CNTN3: variants seen among roughly 807,000 people sequenced by gnomAD.
CNTN3 encodes contactin-3.
Under a neutral mutation model 119.1 loss-of-function variants are expected in CNTN3, and 60 were observed. The observed-to-expected ratio is 0.50, with a 90% CI of 0.41 to 0.62. The LOEUF is 0.62. CNTN3 is among the 20% of genes least tolerant of loss of function. The pLI is 0.00. For synonymous variants in CNTN3, 450 were observed against 438.7 expected (o/e 1.03, Z -0.32); for missense variants, 1,101 against 1,242.4 (o/e 0.89, Z 1.71).
chr3:74,418,342 C>CTTTTTTTTTTTTTTTTT (rs56258495), intron 5 of CNTN3, among the ~76,000 whole-genome samples: 1 of 99,650 alleles, frequency 1.0e-5, no homozygotes, highest in Non-Finnish European at 1.9e-5. Context: ...AAACATATTC[C>CTTTTTTTTTTTTTTTTT]TTTTTTTTTT....
At chr3:74,468,566 C>T (rs1702505452) in intron 4 of CNTN3, among the ~76,000 whole-genome samples, 1 of 152,112 alleles carries the variant, frequency 6.6e-6, no homozygotes, top group South Asian at 2.1e-4. Flanking sequence ...GGGTAAATAT[C>T]TTAATTGAAT....
chr3:74,510,164 T>G (rs953003243), intron 2 of CNTN3, among the ~76,000 whole-genome samples: 1 of 152,046 alleles, frequency 6.6e-6, no homozygotes, highest in Non-Finnish European at 1.5e-5. Context: ...ATGTTACAGC[T>G]GATCACAGAA....
intron 4 of CNTN3, among the ~76,000 whole-genome samples, chr3:74,481,292 G>C (rs1435959015): frequency 1.3e-5 from 2 of 149,840 alleles, no homozygotes; most frequent in South Asian, 2.1e-4. Flanking sequence ...CCAGTATTTA[G>C]AGAATATCCA....
chr3:74,518,536 C>T (rs1703490088), intron 2 of CNTN3, among the ~76,000 whole-genome samples: 1 of 151,854 alleles, frequency 6.6e-6, no homozygotes, highest in Non-Finnish European at 1.5e-5. Context: ...AGTGCCACAT[C>T]CAACACCACA....
chr3:74,303,661 T>G (rs1238613945), intron 13 of CNTN3, among the ~76,000 whole-genome samples: 1 of 152,240 alleles, frequency 6.6e-6, no homozygotes, highest in Admixed American at 6.5e-5. Flanking sequence ...ATCACACCAC[T>G]GCACTCCAGC....
intron 5 of CNTN3, among the ~76,000 whole-genome samples, chr3:74,424,312 C>T (rs190867031): frequency 6.2e-4 from 94 of 151,670 alleles, no homozygotes; most frequent in African/African-American, 2.1e-3. Flanking sequence ...CAATTTATAC[C>T]AATATAGCAT....
intron 4 of CNTN3, among the ~76,000 whole-genome samples, chr3:74,478,415 G>A (rs1421467870): frequency 6.6e-6 from 1 of 152,124 alleles, no homozygotes; most frequent in African/African-American, 2.4e-5. Context: ...AGGAGAGGCT[G>A]TCTGAACTGC....
At chr3:74,301,340 G>A (rs1702448557) in intron 16 of CNTN3, 58 bp downstream of exon 16, 1 of 1,555,830 alleles carries the variant, frequency 6.4e-7, no homozygotes, top group Admixed American at 1.8e-5. Flanking sequence ...TCAGGGCCAA[G>A]GGAAATGGAA....
chr3:74,549,361 G>A (rs1703957660), intron 1 of CNTN3, among the ~76,000 whole-genome samples: 1 of 152,156 alleles, frequency 6.6e-6, no homozygotes, highest in Non-Finnish European at 1.5e-5. Flanking sequence ...ACAGAACTGT[G>A]AGCCTATTAA....
intron 5 of CNTN3, among the ~76,000 whole-genome samples, chr3:74,372,670 T>C (rs1183332668): frequency 6.6e-6 from 1 of 152,070 alleles, no homozygotes; most frequent in Non-Finnish European, 1.5e-5. Context: ...TAAGAGATAA[T>C]TCCTATGGTG....
intron 1 of CNTN3, among the ~76,000 whole-genome samples, chr3:74,544,084 AAG>A (rs1262298376): frequency 1.3e-5 from 2 of 152,230 alleles, no homozygotes; most frequent in Non-Finnish European, 2.9e-5. Flanking sequence ...CCAGGAATGC[AAG>A]AGTCAGAAAG....
intron 2 of CNTN3, among the ~76,000 whole-genome samples, chr3:74,504,924 C>CA (rs1703227327): frequency 1.3e-5 from 2 of 152,190 alleles, no homozygotes; most frequent in South Asian, 4.1e-4. Context: ...TTTTTTGTCT[C>CA]ACAGTTCAGG....
At position 74,450,802 on chromosome 3, in the gene CNTN3, G is replaced by A. The variant is rs1301548342; in HGVS notation, c.359-25862C>T. On this transcript the variant is annotated intron_variant, in intron 4 of 22. Transcript: ENST00000263665. ...CTTGTGATAGTTTACTGAGAATGAC[G>A]ATTCCCAATTTCATCCATGTCCCTA... 3.3e-5 allele frequency among the ~76,000 whole-genome samples: 5 copies of A among 151,518 alleles called. 1 individual carries two copies. Among genetic ancestry groups the A allele is most frequent in the South Asian group, 4.2e-4 (2 of 4,790 alleles).
At chr3:74,553,739 C>A (rs1704028454) in intron 1 of CNTN3, among the ~76,000 whole-genome samples, 1 of 152,126 alleles carries the variant, frequency 6.6e-6, no homozygotes, top group Non-Finnish European at 1.5e-5. Context: ...TGTTCATGTC[C>A]TTTGCCCATT....
chr3:74,314,622 C>T (rs762048780), intron 13 of CNTN3, among the ~76,000 whole-genome samples: 6 of 152,082 alleles, frequency 3.9e-5, no homozygotes, highest in Admixed American at 1.3e-4. Flanking sequence ...GTGTATTTAC[C>T]TAACAACAGA....
chr3:74,320,410 T>A (rs527405045), intron 13 of CNTN3, among the ~76,000 whole-genome samples: 18 of 151,934 alleles, frequency 1.2e-4, no homozygotes, highest in African/African-American at 3.6e-4. Flanking sequence ...CAGCAAACTA[T>A]CGCAAGGACA....
chr3:74,499,413 C>T lies in CNTN3; in HGVS notation c.182+246G>A, dbSNP rs541262596. Among the ~76,000 whole-genome samples the T allele has an allele frequency of 2.0e-5, 3 of 152,024 alleles. 1 individual carries two copies. In the East Asian group the frequency reaches 5.8e-4, roughly 29 times the overall value. On this transcript the variant is annotated intron_variant, in intron 3 of 22. Transcript: ENST00000263665. ...ATCCAAGTTTATAAATTAAACTGCA[C>T]TATACATCAATGAAAAGACATTATT...
intron 20 of CNTN3, among the ~76,000 whole-genome samples, chr3:74,272,686 A>G (rs938571325): frequency 1.3e-5 from 2 of 152,134 alleles, no homozygotes; most frequent in Non-Finnish European, 2.9e-5. Flanking sequence ...CTGCAGAAAA[A>G]TTCCCTTGTA....
intron 19 of CNTN3, among the ~76,000 whole-genome samples, chr3:74,287,254 C>T (rs1416974472): frequency 6.6e-6 from 1 of 152,094 alleles, no homozygotes; most frequent in Admixed American, 6.5e-5. Context: ...GGTAAGTAAA[C>T]AGAAACACAG....
Sources: gnomAD v4.1 joint callset for allele counts (sites outside exome capture counted in the v4.1 genomes callset) on GRCh38, gnomAD v4.1.1 for gene constraint, MANE v1.5 for transcripts, NCBI Gene and HGNC (gene_info 2026-07-23, HGNC 2026-07-21) for gene names.